MAP3K7CL: variants seen among roughly 807,000 people sequenced by gnomAD.
MAP3K7CL encodes the protein MAP3K7 C-terminal like.
Under a neutral mutation model 18.6 loss-of-function variants are expected in MAP3K7CL, and 16 were observed. That is an observed-to-expected ratio of 0.86 (90% CI 0.58 to 1.31). The LOEUF (loss-of-function observed/expected upper bound fraction) is 1.31. MAP3K7CL is among the 50% of genes most tolerant of loss of function. MAP3K7CL has a pLI of 0.00. For synonymous variants in MAP3K7CL, 65 were observed against 66.8 expected, an observed-to-expected ratio of 0.97 and a Z score of 0.13; for missense variants, 163 against 174.4, an observed-to-expected ratio of 0.93 and a Z score of 0.37.
chr21:29,092,830 G>C (rs938166688), intron 4 of MAP3K7CL, among the ~76,000 whole-genome samples: 1 of 152,170 alleles, frequency 6.6e-6, no homozygotes, highest in African/African-American at 2.4e-5. Context: ...GAGTTTGTTC[G>C]ACTGTGCTGT....
intron 3 of MAP3K7CL, among the ~76,000 whole-genome samples, chr21:29,150,958 C>T (rs535912990): frequency 4.6e-5 from 7 of 151,178 alleles, no homozygotes; most frequent in South Asian, 2.1e-4. Context: ...TTAGTAGAGA[C>T]GGGGTTTTGC....
chr21:29,085,877 C>T (rs2085916576), exon 1 of MAP3K7CL: 1 of 1,614,114 alleles, frequency 6.2e-7, no homozygotes, highest in Non-Finnish European at 8.5e-7. Flanking sequence ...CAGCTGATTG[C>T]ACCTTTAGAA....
chr21:29,174,925 G>T lies in MAP3K7CL; in HGVS notation c.*33G>T. The T allele has an allele frequency of 2.5e-6, 4 of 1,601,788 alleles. No individual in the cohort carries two copies. The highest frequency in any genetic ancestry group is 3.4e-6 in the Non-Finnish European group (4 of 1,172,232). On this transcript the variant is annotated 3_prime_UTR_variant, in exon 5 of 5. Transcript: ENST00000399928. ...TTTTTCAGTGTGAGCATACGAGGCTGATGACTGCCCTGTGCTGGCCAAAAG... is the reference window on the plus strand; with the variant it reads ...TTTTTCAGTGTGAGCATACGAGGCTTATGACTGCCCTGTGCTGGCCAAAAG...
intron 4 of MAP3K7CL, among the ~76,000 whole-genome samples, chr21:29,125,159 GGC>G (rs2086661924): frequency 6.6e-6 from 1 of 152,112 alleles, no homozygotes; most frequent in African/African-American, 2.4e-5. Context: ...TTTTATTTCT[GGC>G]ATTGTTGCAC....
intron 4 of MAP3K7CL, among the ~76,000 whole-genome samples, chr21:29,125,455 G>A (rs568870958): frequency 6.6e-6 from 1 of 152,222 alleles, no homozygotes; most frequent in Admixed American, 6.5e-5. Context: ...TGAGCTTTGG[G>A]GGCACGAATG....
chr21:29,103,288 A>G (rs1004938486), intron 4 of MAP3K7CL, among the ~76,000 whole-genome samples: 1 of 152,120 alleles, frequency 6.6e-6, no homozygotes, highest in Non-Finnish European at 1.5e-5. Context: ...ATTTGGCCGT[A>G]TGTTACAGAA....
intron 4 of MAP3K7CL, chr21:29,109,462 C>G: frequency 8.5e-7 from 1 of 1,179,460 alleles, no homozygotes; most frequent in Non-Finnish European, 1.0e-6. Flanking sequence ...AAACCCCCAT[C>G]TCAGCATTCG....
chr21:29,087,230 T>G (rs766664217), intron 1 of MAP3K7CL, among the ~76,000 whole-genome samples: 1 of 152,212 alleles, frequency 6.6e-6, no homozygotes, highest in Non-Finnish European at 1.5e-5. Flanking sequence ...AGAGAGGGTT[T>G]CCTTGACAAC....
exon 4 of MAP3K7CL, chr21:29,092,551 G>C (rs1160866096): frequency 6.2e-7 from 1 of 1,614,118 alleles, no homozygotes; most frequent in Non-Finnish European, 8.5e-7. Context: ...GTCTATTACT[G>C]TGCCCGTGGA....
chr21:29,116,724 G>A (rs1257554176), intron 4 of MAP3K7CL, among the ~76,000 whole-genome samples: 2 of 151,874 alleles, frequency 1.3e-5, no homozygotes, highest in African/African-American at 2.4e-5. Context: ...ATCTAAATTT[G>A]GAAAAAGAAT....
chr21:29,129,063 C>A (rs1346489709), upstream of MAP3K7CL, among the ~76,000 whole-genome samples: 3 of 152,106 alleles, frequency 2.0e-5, no homozygotes, highest in African/African-American at 7.2e-5. Context: ...ACCTTTTGAA[C>A]AGTTGTCAAT....
chr21:29,123,198 G>A (rs1021726926), intron 4 of MAP3K7CL, among the ~76,000 whole-genome samples: 4 of 151,884 alleles, frequency 2.6e-5, no homozygotes, highest in African/African-American at 7.2e-5. Context: ...AAGCAGCTGG[G>A]ATTACAGGTG....
intron 2 of MAP3K7CL, among the ~76,000 whole-genome samples, chr21:29,139,985 C>T (rs1006029846): frequency 8.9e-5 from 13 of 145,456 alleles, no homozygotes; most frequent in African/African-American, 3.1e-4. Flanking sequence ...TTTTAGAAAC[C>T]AGGAACCAGG....
intron 3 of MAP3K7CL, among the ~76,000 whole-genome samples, chr21:29,157,301 CA>C (rs2146714088): frequency 6.6e-6 from 1 of 152,286 alleles, no homozygotes; most frequent in African/African-American, 2.4e-5. Flanking sequence ...CCTATGGCAA[CA>C]AATGAGAGAA....
chr21:29,132,290 TG>T (rs138707990), intron 1 of MAP3K7CL, among the ~76,000 whole-genome samples: 19,818 of 141,354 alleles, frequency 0.14, 2,056 homozygotes, highest in African/African-American at 0.3. Context: ...ATCTGCAGGA[TG>T]TTTTTTTTCC....
intron 1 of MAP3K7CL, among the ~76,000 whole-genome samples, chr21:29,089,197 A>AAAAAAAAAAAAAAAAAAAAC (rs2085978959): frequency 7.0e-6 from 1 of 142,980 alleles, no homozygotes; most frequent in Non-Finnish European, 1.5e-5. Flanking sequence ...AAAAAAAAAA[A>AAAAAAAAAAAAAAAAAAAAC]AAAAGACACT....
chr21:29,085,587 C>T (rs1193204105), upstream of MAP3K7CL, among the ~76,000 whole-genome samples: 1 of 133,136 alleles, frequency 7.5e-6, no homozygotes, highest in African/African-American at 2.7e-5. Context: ...TAAATTCTAT[C>T]AAAAATGATT....
chr21:29,120,152 C>T (rs1383074448), intron 4 of MAP3K7CL, among the ~76,000 whole-genome samples: 1 of 150,202 alleles, frequency 6.7e-6, no homozygotes, highest in African/African-American at 2.4e-5. Flanking sequence ...TCCTTGGAAG[C>T]TTGATCTTTT....
intron 4 of MAP3K7CL, chr21:29,109,585 T>TTAATTATAAAA: frequency 2.0e-6 from 2 of 1,012,262 alleles, no homozygotes; most frequent in Non-Finnish European, 2.4e-6. Flanking sequence ...AAACTGCACA[T>TTAATTATAAAA]TTAATGTAAA....
Sources: gnomAD v4.1 joint callset for allele counts (sites outside exome capture counted in the v4.1 genomes callset) on GRCh38, gnomAD v4.1.1 for gene constraint, MANE v1.5 for transcripts, NCBI Gene and HGNC (gene_info 2026-07-23, HGNC 2026-07-21) for gene names.